CACNA1C: variants seen among roughly 807,000 people sequenced by gnomAD.
The protein encoded by CACNA1C is calcium voltage-gated channel subunit alpha1 C, also known as voltage-dependent L-type calcium channel subunit alpha-1C.
Under a neutral mutation model 229.0 loss-of-function variants are expected in CACNA1C, and 30 were observed. The observed-to-expected ratio is 0.13, with a 90% CI of 0.10 to 0.18. CACNA1C has a LOEUF of 0.18. Among genes scored for constraint, CACNA1C ranks in the 10% least tolerant of loss-of-function variants. The pLI is 1.00. For synonymous variants in CACNA1C, 1,114 were observed against 1,132.5 expected (o/e 0.98, Z 0.33); for missense variants, 1,658 against 2,845.0 (o/e 0.58, Z 9.49).
At chr12:2,158,064 G>A (rs117541209) in intron 3 of CACNA1C, among the ~76,000 whole-genome samples, 14 of 152,264 alleles carry the variant, frequency 9.2e-5, no homozygotes, top group Non-Finnish European at 2.1e-4. Flanking sequence ...GACAGTCCAG[G>A]AAGTCCAGTA....
At chr12:2,113,805 C>A (rs899580032) in intron 1 of CACNA1C, among the ~76,000 whole-genome samples, 1 of 152,198 alleles carries the variant, frequency 6.6e-6, no homozygotes, top group Non-Finnish European at 1.5e-5. Context: ...GACTCTAGAG[C>A]GAGGCATCCA....
chr12:2,457,951 A>G (rs1203907761), intron 5 of CACNA1C, among the ~76,000 whole-genome samples: 3 of 152,254 alleles, frequency 2.0e-5, no homozygotes, highest in Non-Finnish European at 4.4e-5. Flanking sequence ...ACTCAGCCAC[A>G]TGAATCCTAC....
Position 2,634,389 on chromosome 12 carries a change from A to C in CACNA1C, c.3912+9A>C, listed in dbSNP as rs1380438006. 3 of 1,519,134 alleles carry C rather than the reference A, an allele frequency of 2.0e-6. No individual in the cohort carries two copies. Among genetic ancestry groups the C allele is most frequent in the Non-Finnish European group, 2.7e-6 (3 of 1,109,884 alleles). 94.1% of individuals were successfully genotyped at this position (1,519,134 alleles called of 1,614,324 possible). A position where few individuals can be genotyped will look rare whatever the true frequency, so the allele number is the denominator to read the frequency against. On this transcript the variant is annotated intron_variant, in intron 30 of 46. Coordinates refer to ENST00000399655, the MANE Select transcript of CACNA1C (RefSeq NM_000719.7). ...CAATCACCGAGGTAAACGTAAGTAC[A>C]TGGCGTCTGTCCCTAACCGTCCGTG...
At chr12:2,485,819 A>G (rs1377896882) in intron 5 of CACNA1C, among the ~76,000 whole-genome samples, 1 of 152,208 alleles carries the variant, frequency 6.6e-6, no homozygotes, top group Non-Finnish European at 1.5e-5. Context: ...GTATTACACA[A>G]TTTGACAGTT....
rs59787731 is a variant in CACNA1C, at chr12:2,667,324, G to GGCCACTCCACA, written c.4623+542_4623+543insGCCACTCCACA. Reference sequence around the variant, plus strand: ...CTCCTCTCCACCGTGGCCATTCCGTGCTCCTTGTTGGGGCAATAATGAGCT... The same window carrying GGCCACTCCACA: ...CTCCTCTCCACCGTGGCCATTCCGTGGCCACTCCACACTCCTTGTTGGGGCAATAATGAGCT... On this transcript the variant is annotated intron_variant, in intron 37 of 46. Transcript: ENST00000399655. Among the ~76,000 whole-genome samples, 198 of 152,230 alleles carry GGCCACTCCACA rather than the reference G, an allele frequency of 1.3e-3. 1 individual carries two copies. The highest frequency in any genetic ancestry group is 2.1e-3 in the Non-Finnish European group (142 of 68,012).
rs2098359199 is a variant in CACNA1C at position 2,385,362 on chromosome 12, A to G, written c.478-63614A>G. Among the ~76,000 whole-genome samples, 6 of 151,798 alleles carry G rather than the reference A, an allele frequency of 4.0e-5. No individual in the cohort carries two copies. In the South Asian group the frequency reaches 1.3e-3, roughly 32 times the overall value. ...TCCCGGCAACGGAACCTCATCACCT[A>G]GTTCTGATAGGAAAAAAAAAAAATG... On this transcript the variant is annotated intron_variant, in intron 3 of 46. Transcript: ENST00000399655.
At chr12:2,180,896 G>A (rs2096820431) in intron 3 of CACNA1C, among the ~76,000 whole-genome samples, 1 of 152,210 alleles carries the variant, frequency 6.6e-6, no homozygotes, top group Non-Finnish European at 1.5e-5. Flanking sequence ...GAATACTGCA[G>A]CCACGCATCC....
chr12:2,183,261 AAAAG>A (rs2096894528), intron 3 of CACNA1C, among the ~76,000 whole-genome samples: 1 of 152,142 alleles, frequency 6.6e-6, no homozygotes, highest in Admixed American at 6.5e-5. Context: ...AAAAAAAGAA[AAAAG>A]AAAGTTTTCT....
intron 1 of CACNA1C, among the ~76,000 whole-genome samples, chr12:2,040,164 T>TC (rs397799597): frequency 6.6e-6 from 1 of 151,966 alleles, no homozygotes; most frequent in African/African-American, 2.4e-5. Context: ...ATTTTTTTTT[T>TC]GTTCGTTTGT....
intron 9 of CACNA1C, among the ~76,000 whole-genome samples, chr12:2,535,383 T>G (rs2099850941): frequency 6.7e-6 from 1 of 149,842 alleles, no homozygotes; most frequent in African/African-American, 2.5e-5. Context: ...AGTGAGGCCC[T>G]GTCTCAAAAA....
At chr12:2,384,765 C>CA (rs2154546559) in intron 3 of CACNA1C, among the ~76,000 whole-genome samples, 1 of 152,310 alleles carries the variant, frequency 6.6e-6, no homozygotes, top group African/African-American at 2.4e-5. Flanking sequence ...ACTGCAGGGA[C>CA]AGATGAACTC....
chr12:2,422,826 C>T (rs1293454928), intron 3 of CACNA1C, among the ~76,000 whole-genome samples: 2 of 152,118 alleles, frequency 1.3e-5, no homozygotes, highest in Non-Finnish European at 2.9e-5. Context: ...TTAACTGCAG[C>T]GGCCCGTGGG....
At position 2,666,735 on chromosome 12, in the gene CACNA1C, C is replaced by A; in HGVS notation, c.4576C>A (p.Pro1526Thr). The A allele has an allele frequency of 6.2e-7, 1 of 1,605,598 alleles. No homozygotes were observed. The highest frequency in any genetic ancestry group is 2.2e-5 in the East Asian group (1 of 44,614). The change falls in exon 37 of 47, where the codon CCG becomes ACG. Residue 1526 changes from proline (P) to threonine (T), a missense_variant. Transcript: ENST00000399655. The surrounding 1 kb of genome is among the most constrained non-coding windows in gnomAD (Gnocchi z 5.3). ...GGTGACCCTCCTCCGGCGGATTCAGCCGCCACTAGGTTTTGGGAAGCTGTG... is the reference window on the plus strand; with the variant it reads ...GGTGACCCTCCTCCGGCGGATTCAGACGCCACTAGGTTTTGGGAAGCTGTG... ...DVVTLLRRIQ[P>T]PLGFGKLCPH...
chr12:2,525,126 G>A (rs1165559442), intron 9 of CACNA1C, among the ~76,000 whole-genome samples: 1 of 152,172 alleles, frequency 6.6e-6, no homozygotes, highest in East Asian at 1.9e-4. Context: ...AAAGGGCCTC[G>A]GAGTGGGACT....
At chr12:2,668,799 A>G (rs1026804234) in intron 37 of CACNA1C, 134 bp from the exon 38 acceptor site, 6 of 667,902 alleles carry the variant, frequency 9.0e-6, no homozygotes, top group East Asian at 7.8e-5. Context: ...CCCACCTCCA[A>G]TTCTGGGGAT....
At chr12:2,514,501 T>C (rs1347696933) in intron 9 of CACNA1C, among the ~76,000 whole-genome samples, 1 of 152,162 alleles carries the variant, frequency 6.6e-6, no homozygotes, top group Admixed American at 6.5e-5. Flanking sequence ...GCCTGACACC[T>C]TCTATTACAC....
chr12:2,597,370 CA>C lies in CACNA1C; in HGVS notation c.2853+82del. 1 of 1,496,102 alleles carries C rather than the reference CA, an allele frequency of 6.7e-7. No individual in the cohort carries two copies. The highest frequency in any genetic ancestry group is 9.3e-7 in the Non-Finnish European group (1 of 1,072,508). 92.7% of individuals were successfully genotyped at this position (1,496,102 alleles called of 1,614,324 possible). ...TCTGCCGCTGTCTGTCGCTAACACA[CA>C]TGCTCCTTCCTGTTGGTGTGGGGTT... is the stretch of plus-strand genomic sequence containing the variant. On this transcript the variant is annotated intron_variant, in intron 21 of 46. Transcript: ENST00000399655. The surrounding 1 kb of genome is among the most constrained non-coding windows in gnomAD (Gnocchi z 4.3).
intron 1 of CACNA1C, among the ~76,000 whole-genome samples, chr12:2,017,660 G>GTTT (rs35525403): frequency 1.6e-3 from 234 of 144,498 alleles, no homozygotes; most frequent in East Asian, 5.6e-3. Context: ...TCTTTTTTCT[G>GTTT]TTTTTTTTTT....
intron 1 of CACNA1C, among the ~76,000 whole-genome samples, chr12:2,015,674 A>G (rs1565929138): frequency 6.6e-6 from 1 of 152,212 alleles, no homozygotes; most frequent in Non-Finnish European, 1.5e-5. Context: ...AGAGGAGTTA[A>G]TAGGATTCTG....
Sources: gnomAD v4.1 joint callset for allele counts (sites outside exome capture counted in the v4.1 genomes callset) on GRCh38, gnomAD v4.1.1 for gene constraint, Gnocchi (gnomAD v3.1) non-coding constraint, MANE v1.5 for transcripts, NCBI Gene and HGNC (gene_info 2026-07-23, HGNC 2026-07-21) for gene names.